RBCK1: variants seen among roughly 807,000 people sequenced by gnomAD.
RBCK1 encodes RANBP2-type and C3HC4-type zinc finger containing 1, also known as ranBP-type and C3HC4-type zinc finger-containing protein 1.
Under a neutral mutation model 71.1 loss-of-function variants are expected in RBCK1, and 44 were observed. The ratio of observed to expected loss-of-function variants is 0.62; its 90% CI spans 0.49 to 0.80. The LOEUF is 0.80. Among genes scored for constraint, RBCK1 ranks in the 30% least tolerant of loss-of-function variants. The probability of loss-of-function intolerance (pLI) is 0.00; values close to 1 mark genes in which losing one functional copy is unlikely to be tolerated. For synonymous variants in RBCK1, 306 were observed against 279.7 expected (o/e 1.09, Z -0.94); for missense variants, 569 against 685.0 (o/e 0.83, Z 1.89).
intron 8 of RBCK1, among the ~76,000 whole-genome samples, chr20:423,167 C>T (rs1324910803): frequency 2.0e-5 from 3 of 152,092 alleles, no homozygotes; most frequent in Admixed American, 6.5e-5. Flanking sequence ...GGTGTGGTGG[C>T]GCATGCCTGT....
chr20:417,413 G>A lies in RBCK1; in HGVS notation c.168-113G>A. On this transcript the variant is annotated intron_variant, in intron 2 of 11. Transcript: ENST00000356286. The surrounding 1 kb of genome is among the most constrained non-coding windows in gnomAD (Gnocchi z 4.7). ...CTGGGGTTTGTGTGTGTGTGTGTGT[G>A]TGTGTGTGTGCATGGCCATGTGCCT... The A allele has an allele frequency of 1.1e-6, 1 of 881,218 alleles. No individual in the cohort carries two copies. The highest frequency in any genetic ancestry group is 1.9e-6 in the Non-Finnish European group (1 of 519,770). The allele number at this position is 881,218 out of a possible 1,614,324, so 54.6% of individuals were successfully genotyped here. A position where few individuals can be genotyped will look rare whatever the true frequency, so the allele number is the denominator to read the frequency against.
intron 2 of RBCK1, among the ~76,000 whole-genome samples, chr20:415,738 A>T (rs1472304153): frequency 6.6e-6 from 1 of 152,218 alleles, no homozygotes; most frequent in African/African-American, 2.4e-5. Flanking sequence ...TTGTAAAGAA[A>T]AGAGGTTTAA....
chr20:429,105 G>A lies in RBCK1; in HGVS notation c.1452+11G>A. The A allele has an allele frequency of 6.2e-7, 1 of 1,607,116 alleles. No individual in the cohort carries two copies. The highest frequency in any genetic ancestry group is 1.1e-5 in the South Asian group (1 of 90,448). ...CGCTGGGGCCCTGGGGTGAGTCTTT[G>A]CTCGTGGTGGTGTGGAGAGGGTGCC... On this transcript the variant is annotated intron_variant, in intron 11 of 11. Coordinates refer to ENST00000356286, the MANE Select transcript of RBCK1 (RefSeq NM_031229.4).
intron 11 of RBCK1, among the ~76,000 whole-genome samples, chr20:429,937 GA>G (rs1486895868): frequency 1.3e-5 from 2 of 152,208 alleles, no homozygotes; most frequent in Non-Finnish European, 2.9e-5. Context: ...GAATCAAGTG[GA>G]AAAATTGCAA....
At position 427,302 on chromosome 20, in the gene RBCK1, T is replaced by C. The variant is rs1347263782; in HGVS notation, c.1030-11T>C. On this transcript the variant is annotated splice_polypyrimidine_tract_variant and intron_variant, in intron 8 of 11. Transcript: ENST00000356286. The stretch of plus-strand genomic sequence containing the variant: ...TGAATCCTGAGCAGCAAGGACATGG[T>C]GTGTTGGCAGCTCCTGACCCCTGAG... 2 of 1,613,106 alleles carry C rather than the reference T, an allele frequency of 1.2e-6. No homozygotes were observed. The highest frequency in any genetic ancestry group is 1.3e-5 in the African/African-American group (1 of 74,890).
rs1216658415 is a variant in RBCK1, at chr20:422,078, G to T, written c.918-49G>T. The stretch of plus-strand genomic sequence containing the variant: ...TGCCATGTGAGGGATGGAGTCCCCA[G>T]TGAAGGGGGTTCCTATGATCCTAAC... On this transcript the variant is annotated intron_variant, in intron 7 of 11. Transcript: ENST00000356286. The surrounding 1 kb of genome is among the most constrained non-coding windows in gnomAD (Gnocchi z 5.0). 1.3e-6 allele frequency: 2 copies of T among 1,494,414 alleles called. No homozygotes were observed. The highest frequency in any genetic ancestry group is 2.7e-5 in the African/African-American group (2 of 72,734). 92.6% of individuals were successfully genotyped at this position (1,494,414 alleles called of 1,614,324 possible).
intron 11 of RBCK1, among the ~76,000 whole-genome samples, chr20:429,503 G>C (rs1012335502): frequency 7.2e-5 from 11 of 152,218 alleles, no homozygotes; most frequent in African/African-American, 2.7e-4. Context: ...TAGGATTACA[G>C]GCGTGAGCCA....
chr20:428,546 C>T lies in RBCK1; in HGVS notation c.1265C>T (p.Ala422Val), dbSNP rs889582920. The T allele has an allele frequency of 6.2e-7, 1 of 1,612,774 alleles. No individual in the cohort carries two copies. The highest frequency in any genetic ancestry group is 8.5e-7 in the Non-Finnish European group (1 of 1,179,608). ...TATCAGGAGGACCTGGCCCTGCGGGCTCAGAACGATGTGGCTGCCCGGCAG... is the reference window on the plus strand; with the variant it reads ...TATCAGGAGGACCTGGCCCTGCGGGTTCAGAACGATGTGGCTGCCCGGCAG... ...KEYQEDLALR[A>V]QNDVAARQTT... Residue 422 changes from alanine to valine, a missense_variant, in exon 10 of 12, where the codon GCT (alanine) becomes GTT (valine). Physicochemically the swap from Ala to Val is moderately conservative, Grantham distance 64. This residue lies in a region of RBCK1 where 211 missense variants were observed against 309.4 expected (regional missense o/e 0.68). Transcript: ENST00000356286. The surrounding 1 kb of genome is among the most constrained non-coding windows in gnomAD (Gnocchi z 5.7).
Position 409,921 on chromosome 20 carries a change from C to T in RBCK1, c.63C>T (p.Gly21=), listed in dbSNP as rs749576109. The T allele has an allele frequency of 9.9e-6, 16 of 1,613,794 alleles. No homozygotes were observed. Among genetic ancestry groups the T allele is most frequent in the South Asian group, 3.3e-5 (3 of 91,078 alleles). The change falls in exon 2 of 12, where the codon GGC becomes GGT. Residue 21 remains glycine, a synonymous_variant. Transcript: ENST00000356286. ...TGAGCCTCACCCGAGCAGTGGCGGGCGGGGATGAACAGGTGGCAATGAAGT... is the reference window on the plus strand; with the variant it reads ...TGAGCCTCACCCGAGCAGTGGCGGGTGGGGATGAACAGGTGGCAATGAAGT... The part of the protein sequence containing the change: ...MALSLTRAVA[G]GDEQVAMKCA...
At position 427,443 on chromosome 20, in the gene RBCK1, A is replaced by G. The variant is rs566912235; in HGVS notation, c.1160A>G (p.Asn387Ser). ...TGGTGCTTCTTTGAGGATGATGTCA[A>G]TGAGTTCACCTGCCCTGTGTGTTTC... ...KGWCFFEDDVNEFTCPVCFHV... is the reference protein window; with the variant it reads ...KGWCFFEDDVSEFTCPVCFHV... The change falls in exon 9 of 12, where the codon AAT (asparagine) becomes AGT (serine). Residue 387 changes from asparagine to serine, a missense_variant. This residue lies in a region of RBCK1 where 211 missense variants were observed against 309.4 expected (regional missense o/e 0.68). Transcript: ENST00000356286. 6.2e-7 allele frequency: 1 copy of G among 1,613,990 alleles called. No homozygotes were observed.
Position 419,520 on chromosome 20 carries a change from C to A in RBCK1, c.583-38C>A, listed in dbSNP as rs79845007. On this transcript the variant is annotated intron_variant, in intron 5 of 11. Transcript: ENST00000356286. ...TCTTCTGTGCCCCTCCCTTGCCTCACCCTGCCCAGTCGGGCTCACAGCACC... is the reference window on the plus strand; with the variant it reads ...TCTTCTGTGCCCCTCCCTTGCCTCAACCTGCCCAGTCGGGCTCACAGCACC... 1.8e-3 allele frequency: 2,954 copies of A among 1,605,140 alleles called. 93 individuals are homozygous for A. In the East Asian group the frequency reaches 0.06, roughly 33 times the overall value.
chr20:421,090 G>C, intron 7 of RBCK1, 59 bp downstream of exon 7: 1 of 1,474,458 alleles, frequency 6.8e-7, no homozygotes, highest in Non-Finnish European at 9.0e-7. Flanking sequence ...CAATTACGCA[G>C]GGCTGGACGT....
intron 2 of RBCK1, among the ~76,000 whole-genome samples, chr20:414,134 G>T (rs1305049901): frequency 6.6e-6 from 1 of 152,044 alleles, no homozygotes; most frequent in East Asian, 1.9e-4. Flanking sequence ...CAATGAGCAG[G>T]TATAAACTCA....
chr20:418,430 A>G (rs141268774), intron 4 of RBCK1, among the ~76,000 whole-genome samples: 22,302 of 151,688 alleles, frequency 0.15, 1,794 homozygotes, highest in Middle Eastern at 0.25. Flanking sequence ...GTGCAGTGGC[A>G]CAATCTCGGC....
rs1055669487 is a variant in RBCK1 at position 420,914 on chromosome 20, A to G, written c.800A>G (p.Gln267Arg). 19 of 1,553,464 alleles carry G rather than the reference A, an allele frequency of 1.2e-5. No homozygotes were observed. The Admixed American group carries it at 1.6e-4, about 13-fold the overall frequency. The change falls in exon 7 of 12, where the codon CAG becomes CGG. Residue 267 changes from glutamine to arginine, a missense_variant. Gln to Arg is a conservative substitution (Grantham distance 43). Coordinates refer to ENST00000356286, the MANE Select transcript of RBCK1 (RefSeq NM_031229.4). ...QQEGNYLQHV[Q>R]LDQRSLVLNT... Reference sequence around the variant, plus strand: ...GAGGGGAACTACCTGCAGCACGTCCAGCTGGACCAGAGGAGCCTGGTGCTG... The same window carrying G: ...GAGGGGAACTACCTGCAGCACGTCCGGCTGGACCAGAGGAGCCTGGTGCTG...
rs375018967 is a variant in RBCK1 at position 419,417 on chromosome 20, C to T, written c.531C>T (p.Val177=). ...AGCCAGGCCCCCCAAAGCCCGGGGTCCCCCAGGAACCCGGACGGGGGCAGC... is the reference window on the plus strand; with the variant it reads ...AGCCAGGCCCCCCAAAGCCCGGGGTTCCCCAGGAACCCGGACGGGGGCAGC... ...PLEPGPPKPG[V]PQEPGRGQPD... is the part of the protein sequence containing the mutation. Residue 177 remains valine (V), a synonymous_variant, in exon 5 of 12, where the codon GTC becomes GTT. Coordinates refer to ENST00000356286, the MANE Select transcript of RBCK1 (RefSeq NM_031229.4). The T allele has an allele frequency of 1.5e-4, 237 of 1,609,350 alleles. No homozygotes were observed. Among genetic ancestry groups the T allele is most frequent in the Non-Finnish European group, 1.3e-4 (159 of 1,178,320 alleles).
At chr20:419,507 C>A in intron 5 of RBCK1, 39 bp downstream of exon 5, 1 of 1,603,484 alleles carries the variant, frequency 6.2e-7, no homozygotes. Context: ...TTCTGTGCCC[C>A]TCCCTTGCCT....
intron 8 of RBCK1, among the ~76,000 whole-genome samples, chr20:425,211 A>G (rs1214782798): frequency 6.6e-6 from 1 of 152,136 alleles, no homozygotes; most frequent in Non-Finnish European, 1.5e-5. Flanking sequence ...AGTTTTCACC[A>G]TGTTGGCCAG....
chr20:420,614 C>A, intron 6 of RBCK1: 1 of 977,370 alleles, frequency 1.0e-6, no homozygotes, highest in Non-Finnish European at 1.2e-6. Context: ...GGCTTCCCCA[C>A]CTCCACCTGG....
Sources: gnomAD v4.1 joint callset for allele counts (sites outside exome capture counted in the v4.1 genomes callset) on GRCh38, gnomAD v4.1.1 for gene constraint, gnomAD v4.1.1 regional missense constraint, Gnocchi (gnomAD v3.1) non-coding constraint, MANE v1.5 for transcripts, NCBI Gene and HGNC (gene_info 2026-07-23, HGNC 2026-07-21) for gene names.